Variants in COL20A1 observed in about 807,000 individuals in gnomAD.
COL20A1 encodes the protein collagen alpha-1(XX) chain.
A neutral mutation model predicts 152.9 loss-of-function variants in COL20A1; 164 were observed. The ratio of observed to expected loss-of-function variants is 1.07; its 90% confidence interval spans 0.94 to 1.22. The LOEUF is 1.22. COL20A1 is among the 50% of genes most tolerant of loss of function. The probability of loss-of-function intolerance (pLI) is 0.00; values close to 1 mark genes in which losing one functional copy is unlikely to be tolerated. For missense variants in COL20A1, 1,873 were observed against 1,744.8 expected, an observed-to-expected ratio of 1.07 and a Z score of -1.31; for synonymous variants, 864 against 756.0, an observed-to-expected ratio of 1.14 and a Z score of -2.34.
Position 63,320,212 on chromosome 20 carries a change from G to T in COL20A1, c.3075+15G>T, listed in dbSNP as rs551717568. On this transcript the variant is annotated intron_variant, in intron 24 of 35. Transcript: ENST00000358894. ...GTTCGGCCGCGGTGAGTTGGGCCCT[G>T]CCCACCTGCTGGGCCACGCTGGTGG... 7 of 1,598,004 alleles carry T rather than the reference G, an allele frequency of 4.4e-6. No homozygotes were observed. In the South Asian group the frequency reaches 6.6e-5, roughly 15 times the overall value.
intron 3 of COL20A1, among the ~76,000 whole-genome samples, chr20:63,299,045 CTG>C (rs2067833650): frequency 6.6e-6 from 1 of 152,246 alleles, no homozygotes; most frequent in Non-Finnish European, 1.5e-5. Context: ...TCCCTCATGT[CTG>C]TGTCTTTGGT....
At chr20:63,298,466 T>C (rs1172660869) in intron 3 of COL20A1, among the ~76,000 whole-genome samples, 1 of 151,998 alleles carries the variant, frequency 6.6e-6, no homozygotes, top group African/African-American at 2.4e-5. Context: ...AATTTTTGTA[T>C]TTTTTGTGGA....
chr20:63,302,049 A>C (rs1037293640), intron 3 of COL20A1, among the ~76,000 whole-genome samples: 1 of 152,180 alleles, frequency 6.6e-6, no homozygotes, highest in Non-Finnish European at 1.5e-5. Flanking sequence ...AGTATAATGA[A>C]ACCTCATGTT....
chr20:63,298,699 C>T (rs749739848), intron 3 of COL20A1, among the ~76,000 whole-genome samples: 6 of 152,322 alleles, frequency 3.9e-5, no homozygotes, highest in African/African-American at 7.2e-5. Context: ...GCTCCCCACG[C>T]GTTAATCCTT....
chr20:63,307,594 T>G lies in COL20A1; in HGVS notation c.601T>G (p.Phe201Val). ...CAGTCACTTCCAGCAGGTCAAGGAC[T>G]TCCTGGCCAGTGTCATCGCACCCTT... ...GHSHFQQVKDFLASVIAPFEI... is the reference protein window; with the variant it reads ...GHSHFQQVKDVLASVIAPFEI... Residue 201 changes from phenylalanine (F) to valine (V), a missense_variant, in exon 6 of 36, where the codon TTC becomes GTC. Phe to Val is a conservative substitution (Grantham distance 50). Transcript: ENST00000358894. 5 of 1,612,658 alleles carry G rather than the reference T, an allele frequency of 3.1e-6. No individual in the cohort carries two copies. In the South Asian group the frequency reaches 4.4e-5, roughly 14 times the overall value.
Position 63,309,629 on chromosome 20 carries a change from C to T in COL20A1, c.1106-129C>T, listed in dbSNP as rs956019338. ...GGCTCTGAGGGGGTCTGCAGCACCC[C>T]CTTACATCTGTCCACAGAAGGGCTG... On this transcript the variant is annotated intron_variant, in intron 9 of 35. Coordinates refer to ENST00000358894, the MANE Select transcript of COL20A1 (RefSeq NM_020882.4). 4.8e-6 allele frequency: 6 copies of T among 1,240,840 alleles called. No individual in the cohort carries two copies. In the African/African-American group the frequency reaches 7.6e-5, roughly 16 times the overall value. 76.9% of individuals were successfully genotyped at this position (1,240,840 alleles called of 1,614,324 possible).
chr20:63,324,242 G>A (rs2068210837), intron 27 of COL20A1: 1 of 152,176 alleles, frequency 6.6e-6, no homozygotes, highest in Non-Finnish European at 1.5e-5. Context: ...GGATTTTCCA[G>A]GTTTACAGTG....
At chr20:63,308,439 A>C in intron 7 of COL20A1, 103 bp from the exon 8 acceptor site, 1 of 1,181,494 alleles carries the variant, frequency 8.5e-7, no homozygotes, top group Non-Finnish European at 1.2e-6. Context: ...CTGATACCCC[A>C]CAAGGGAAGG....
chr20:63,316,820 A>G (rs1162371605), intron 21 of COL20A1, 129 bp downstream of exon 21: 2 of 856,270 alleles, frequency 2.3e-6, no homozygotes, highest in South Asian at 2.4e-5. Context: ...CAGCGCTGCT[A>G]TGTCAGCAAA....
Position 63,307,598 on chromosome 20 carries a change from T to A in COL20A1, c.605T>A (p.Leu202Gln), listed in dbSNP as rs779527683. ...HSHFQQVKDF[L>Q]ASVIAPFEIG... The stretch of plus-strand genomic sequence containing the variant: ...CACTTCCAGCAGGTCAAGGACTTCC[T>A]GGCCAGTGTCATCGCACCCTTTGAA... The change falls in exon 6 of 36, where the codon CTG becomes CAG. Residue 202 changes from leucine (L) to glutamine (Q), a missense_variant. Transcript: ENST00000358894. 1.7e-5 allele frequency: 28 copies of A among 1,612,682 alleles called. No homozygotes were observed. Among genetic ancestry groups the A allele is most frequent in the Non-Finnish European group, 2.3e-5 (27 of 1,179,748 alleles).
In COL20A1 at chr20:63,320,166, A is replaced by G; in HGVS notation, c.3044A>G (p.Lys1015Arg). The change falls in exon 24 of 36, where the codon AAG becomes AGG. Residue 1015 changes from lysine (K) to arginine (R), a missense_variant. Physicochemically the swap from Lys to Arg is conservative, Grantham distance 26. Coordinates refer to ENST00000358894, the MANE Select transcript of COL20A1 (RefSeq NM_020882.4). Reference protein sequence around the residue: ...AGFVTLGRLAKARGPRSSSAA... With the variant: ...AGFVTLGRLARARGPRSSSAA... Reference sequence around the variant, plus strand: ...TTCGTCACGCTGGGGAGGCTGGCCAAGGCCAGGGGCCCCCGGAGCAGTTCG... The same window carrying G: ...TTCGTCACGCTGGGGAGGCTGGCCAGGGCCAGGGGCCCCCGGAGCAGTTCG... 2 of 1,558,302 alleles carry G rather than the reference A, an allele frequency of 1.3e-6. No individual in the cohort carries two copies. Among genetic ancestry groups the G allele is most frequent in the Non-Finnish European group, 1.7e-6 (2 of 1,153,232 alleles).
intron 31 of COL20A1, chr20:63,327,294 T>A (rs149316133): frequency 1.6e-4 from 28 of 176,434 alleles, no homozygotes; most frequent in African/African-American, 5.0e-4. Context: ...CTCAGGGACT[T>A]CCCATTTGTT....
intron 34 of COL20A1, chr20:63,329,117 C>G (rs1333146548): frequency 5.5e-6 from 1 of 181,584 alleles, no homozygotes; most frequent in Non-Finnish European, 1.2e-5. Flanking sequence ...CATCTCTGCT[C>G]TGTTCGGGCA....
intron 27 of COL20A1, chr20:63,325,083 C>T (rs937773521): frequency 5.0e-6 from 2 of 396,878 alleles, no homozygotes; most frequent in Non-Finnish European, 9.7e-6. Flanking sequence ...GTGGGTTCTC[C>T]CAGACCCTCC....
chr20:63,315,368 G>T, intron 19 of COL20A1, 36 bp from the exon 20 acceptor site: 1 of 1,554,562 alleles, frequency 6.4e-7, no homozygotes. Context: ...AGGCTGGGCC[G>T]CTCCCACTCA....
chr20:63,326,173 C>T (rs1026015198), intron 30 of COL20A1, 24 bp downstream of exon 30: 1 of 1,589,946 alleles, frequency 6.3e-7, no homozygotes. Flanking sequence ...TCCCATGACC[C>T]CGACCCCCAC....
intron 2 of COL20A1, among the ~76,000 whole-genome samples, chr20:63,297,465 GC>G (rs1160973669): frequency 6.6e-6 from 1 of 151,954 alleles, no homozygotes; most frequent in Admixed American, 6.5e-5. Context: ...CAGCCCAGGG[GC>G]CCCAGCTCAG....
rs2067924951 is a variant in COL20A1, at chr20:63,306,253, ACGAGGCCGGGAAG to A, written c.496+215_496+227del. Among the ~76,000 whole-genome samples, 1 of 75,970 alleles carries A rather than the reference ACGAGGCCGGGAAG, an allele frequency of 1.3e-5. No individual in the cohort carries two copies. Among genetic ancestry groups the A allele is most frequent in the Non-Finnish European group, 2.6e-5 (1 of 38,258 alleles). The allele number at this position is 75,970 out of a possible 152,430, so 49.8% of individuals were successfully genotyped here. A position where few individuals can be genotyped will look rare whatever the true frequency, so the allele number is the denominator to read the frequency against. ...GTGTCTGACCACACGGTCTCTGACC[ACGAGGCCGGGAAG>A]TTCTTCCTCGTGTCTGACCACACGG... is the stretch of plus-strand genomic sequence containing the variant. On this transcript the variant is annotated intron_variant, in intron 5 of 35. Transcript: ENST00000358894. This position sits in a 1 kb window ranked among gnomAD's most constrained non-coding sequence, Gnocchi z 6.9.
At position 63,328,477 on chromosome 20, in the gene COL20A1, G is replaced by A. The variant is rs749478470; in HGVS notation, c.3760G>A (p.Gly1254Ser). The change falls in exon 34 of 36, where the codon GGC becomes AGC. Residue 1254 changes from glycine to serine, a missense_variant. Coordinates refer to ENST00000358894, the MANE Select transcript of COL20A1 (RefSeq NM_020882.4). Reference protein sequence around the residue: ...ALVPGEWGRGGRHLEGRGEPG... With the variant: ...ALVPGEWGRGSRHLEGRGEPG... ...GGTTCCTGGAGAATGGGGGCGTGGT[G>A]GCCGCCACCTTGAGGGCAGAGGTAC... 7 of 1,611,938 alleles carry A rather than the reference G, an allele frequency of 4.3e-6. No individual in the cohort carries two copies. In the East Asian group the frequency reaches 1.3e-4, roughly 31 times the overall value.
Sources: allele counts gnomAD v4.1 joint callset (sites outside exome capture counted in the v4.1 genomes callset), GRCh38; gene constraint gnomAD v4.1.1; non-coding constraint Gnocchi (gnomAD v3.1); transcripts MANE v1.5; gene names NCBI Gene and HGNC (gene_info 2026-07-23, HGNC 2026-07-21).